Variants in COX7B2 observed in about 807,000 individuals in gnomAD.
COX7B2 encodes the protein cytochrome c oxidase subunit 7B2, mitochondrial.
For synonymous variants in COX7B2, 37 were observed against 32.1 expected, an observed-to-expected ratio of 1.15 and a Z score of -0.51; for missense variants, 109 against 95.9, an observed-to-expected ratio of 1.14 and a Z score of -0.57.
intron 2 of COX7B2, among the ~76,000 whole-genome samples, chr4:46,788,397 C>A (rs925193892): frequency 3.3e-5 from 5 of 152,020 alleles, no homozygotes; most frequent in Non-Finnish European, 7.4e-5. Flanking sequence ...ACAATGTGTT[C>A]TTGAAAAGCC....
chr4:46,773,140 T>C (rs1052928527), intron 2 of COX7B2, among the ~76,000 whole-genome samples: 1 of 152,158 alleles, frequency 6.6e-6, no homozygotes, highest in East Asian at 1.9e-4. Context: ...CTACTCCAGA[T>C]AGAAACAAGA....
At chr4:46,804,950 C>T (rs1052510873) in intron 2 of COX7B2, among the ~76,000 whole-genome samples, 1 of 152,202 alleles carries the variant, frequency 6.6e-6, no homozygotes, top group Non-Finnish European at 1.5e-5. Context: ...GGTGCTCAGG[C>T]ATGGTGGGCT....
chr4:46,741,477 C>T (rs1273769182), intron 2 of COX7B2, among the ~76,000 whole-genome samples: 2 of 152,044 alleles, frequency 1.3e-5, no homozygotes, highest in Non-Finnish European at 2.9e-5. Context: ...CAGTTCAGAA[C>T]CACTGCTGTA....
intron 2 of COX7B2, among the ~76,000 whole-genome samples, chr4:46,838,679 G>T (rs1361271869): frequency 6.6e-6 from 1 of 151,870 alleles, no homozygotes; most frequent in Non-Finnish European, 1.5e-5. Context: ...CACTGAAGAT[G>T]GTCAGTCCTT....
At chr4:46,908,128 G>C (rs950229956) in intron 1 of COX7B2, among the ~76,000 whole-genome samples, 3 of 151,952 alleles carry the variant, frequency 2.0e-5, no homozygotes, top group Non-Finnish European at 4.4e-5. Flanking sequence ...TGGGATTACA[G>C]GTGTCAGCCA....
intron 2 of COX7B2, among the ~76,000 whole-genome samples, chr4:46,836,872 A>G (rs1326375183): frequency 6.6e-6 from 1 of 152,122 alleles, no homozygotes; most frequent in Non-Finnish European, 1.5e-5. Flanking sequence ...GGTATTTTTC[A>G]GATCCACTAT....
rs1162246679 is a variant in COX7B2 at position 46,735,120 on chromosome 4, G to T, written c.73C>A (p.His25Asn). 6.2e-7 allele frequency: 1 copy of T among 1,613,464 alleles called. No homozygotes were observed. The highest frequency in any genetic ancestry group is 1.3e-5 in the African/African-American group (1 of 74,904). Residue 25 changes from histidine (H) to asparagine (N), a missense_variant, in exon 3 of 3, where the codon CAT becomes AAT. Physicochemically the swap from His to Asn is moderately conservative, Grantham distance 68. Transcript: ENST00000355591. ...IQSILQSMAR[H>N]SHVKHSPDFH... is the part of the protein sequence containing the mutation. ...TCTGGTGAGTGTTTTACATGGCTAT[G>T]TCTTGCCATGCTTTGCAGAATGCTT... is the stretch of plus-strand genomic sequence containing the variant.
intron 2 of COX7B2, among the ~76,000 whole-genome samples, chr4:46,832,152 T>C (rs1715173856): frequency 6.6e-6 from 1 of 152,170 alleles, no homozygotes; most frequent in African/African-American, 2.4e-5. Context: ...GTTTGTTCTT[T>C]CGCTCTTTGC....
At chr4:46,737,694 T>C (rs1023534224) in intron 2 of COX7B2, among the ~76,000 whole-genome samples, 4 of 152,142 alleles carry the variant, frequency 2.6e-5, no homozygotes, top group African/African-American at 2.4e-5. Flanking sequence ...TTTAAATTTA[T>C]CTTCCTGTGT....
intron 2 of COX7B2, among the ~76,000 whole-genome samples, chr4:46,837,938 C>T (rs556738794): frequency 9.2e-5 from 14 of 151,762 alleles, no homozygotes; most frequent in African/African-American, 2.4e-4. Context: ...AAACTAAGGT[C>T]GAAATAACCG....
At chr4:46,895,937 T>C (rs1719733461) in intron 1 of COX7B2, among the ~76,000 whole-genome samples, 3 of 152,164 alleles carry the variant, frequency 2.0e-5, no homozygotes, top group Non-Finnish European at 2.9e-5. Flanking sequence ...TATTATCAGT[T>C]AAACCTCAGT....
chr4:46,817,165 T>C (rs754978769), intron 2 of COX7B2, among the ~76,000 whole-genome samples: 2 of 152,240 alleles, frequency 1.3e-5, no homozygotes, highest in African/African-American at 2.4e-5. Context: ...TACTGTTCTT[T>C]GCTAGAGTTT....
chr4:46,788,205 AT>A (rs1354127226), intron 2 of COX7B2, among the ~76,000 whole-genome samples: 1 of 152,344 alleles, frequency 6.6e-6, no homozygotes, highest in Non-Finnish European at 1.5e-5. Context: ...ATTTAATATG[AT>A]TGGTCATTTA....
At chr4:46,806,391 C>T (rs1718996989) in intron 2 of COX7B2, among the ~76,000 whole-genome samples, 1 of 151,250 alleles carries the variant, frequency 6.6e-6, no homozygotes, top group African/African-American at 2.4e-5. Flanking sequence ...ATGTAATATT[C>T]ATAAGTTTTT....
At chr4:46,853,424 T>G (rs2109784156) in intron 1 of COX7B2, among the ~76,000 whole-genome samples, 1 of 152,242 alleles carries the variant, frequency 6.6e-6, no homozygotes, top group South Asian at 2.1e-4. Context: ...ATTTGCTCAA[T>G]TGTGGCATAT....
chr4:46,887,403 A>C (rs1013053881), intron 1 of COX7B2, among the ~76,000 whole-genome samples: 4 of 152,148 alleles, frequency 2.6e-5, no homozygotes, highest in African/African-American at 4.8e-5. Flanking sequence ...TCATGTACAT[A>C]AAACTACTTT....
chr4:46,897,140 G>T (rs949565574), intron 1 of COX7B2, among the ~76,000 whole-genome samples: 1 of 152,074 alleles, frequency 6.6e-6, no homozygotes, highest in East Asian at 1.9e-4. Flanking sequence ...CACCCCAGGG[G>T]CACAGACAAC....
chr4:46,864,647 T>TGTTTGTTG (rs1470788918), intron 1 of COX7B2, among the ~76,000 whole-genome samples: 4 of 151,210 alleles, frequency 2.6e-5, no homozygotes, highest in African/African-American at 4.9e-5. Context: ...AGTTGTTTTT[T>TGTTTGTTG]GTTTGTTTGT....
chr4:46,834,957 G>C (rs1412757611), intron 2 of COX7B2, among the ~76,000 whole-genome samples: 1 of 152,036 alleles, frequency 6.6e-6, no homozygotes, highest in African/African-American at 2.4e-5. Flanking sequence ...TCCCTTGAAA[G>C]CAAAAGAAGC....
Sources: gnomAD v4.1 joint callset for allele counts (sites outside exome capture counted in the v4.1 genomes callset) on GRCh38, gnomAD v4.1.1 for gene constraint, MANE v1.5 for transcripts, NCBI Gene and HGNC (gene_info 2026-07-23, HGNC 2026-07-21) for gene names.